Variants in SLC24A2 observed in about 807,000 individuals in gnomAD.
The protein encoded by SLC24A2 is solute carrier family 24 member 2.
Under a neutral mutation model 62.0 loss-of-function variants are expected in SLC24A2, and 36 were observed. The ratio of observed to expected loss-of-function variants is 0.58; its 90% CI spans 0.44 to 0.77. SLC24A2 has a LOEUF of 0.77. SLC24A2 is among the 30% of genes least tolerant of loss of function. The probability of loss-of-function intolerance (pLI) is 0.00; values close to 1 mark genes in which losing one functional copy is unlikely to be tolerated. For missense variants in SLC24A2, 846 were observed against 817.9 expected, an observed-to-expected ratio of 1.03 and a Z score of -0.42; for synonymous variants, 358 against 294.0, an observed-to-expected ratio of 1.22 and a Z score of -2.23.
At chr9:19,912,884 A>T in the SLC24A2 span, among the ~76,000 whole-genome samples, 1 of 152,158 alleles carries the variant, frequency 6.6e-6, no homozygotes, top group African/African-American at 2.4e-5. Flanking sequence ...ATACAGAAAC[A>T]TTATATCCAA....
At chr9:20,080,264 G>T in the SLC24A2 span, among the ~76,000 whole-genome samples, 2 of 152,222 alleles carry the variant, frequency 1.3e-5, no homozygotes, top group African/African-American at 4.8e-5. Context: ...GCATGGTACT[G>T]TTACCAAAAC....
the SLC24A2 span, among the ~76,000 whole-genome samples, chr9:20,062,180 G>A: frequency 1.3e-5 from 2 of 152,180 alleles, no homozygotes; most frequent in African/African-American, 4.8e-5. Context: ...AGTGAGCTAT[G>A]ATTGTGCCAC....
the SLC24A2 span, among the ~76,000 whole-genome samples, chr9:19,964,662 G>C: frequency 1.3e-5 from 2 of 152,130 alleles, no homozygotes; most frequent in African/African-American, 2.4e-5. Flanking sequence ...ATGTTTCTAG[G>C]CTGGGTGGGG....
chr9:20,014,567 C>T, the SLC24A2 span, among the ~76,000 whole-genome samples: 1 of 151,626 alleles, frequency 6.6e-6, no homozygotes, highest in Non-Finnish European at 1.5e-5. Context: ...AGGAAAAACT[C>T]TGTCACTTGC....
chr9:19,568,182 C>G (rs1835732685), intron 7 of SLC24A2, among the ~76,000 whole-genome samples: 1 of 152,198 alleles, frequency 6.6e-6, no homozygotes. Flanking sequence ...GTCCATGAAA[C>G]TGTGCTTCAG....
At chr9:19,518,225 T>C (rs1029930694) in intron 10 of SLC24A2, among the ~76,000 whole-genome samples, 1 of 152,110 alleles carries the variant, frequency 6.6e-6, no homozygotes, top group African/African-American at 2.4e-5. Flanking sequence ...TAATGTTATA[T>C]AGCTGTTTAA....
the SLC24A2 span, among the ~76,000 whole-genome samples, chr9:19,976,500 C>A: frequency 6.6e-6 from 1 of 152,216 alleles, no homozygotes; most frequent in South Asian, 2.1e-4. Flanking sequence ...TCTACTGTGA[C>A]TGTAAATTTC....
At chr9:19,949,952 G>A in the SLC24A2 span, among the ~76,000 whole-genome samples, 1 of 152,172 alleles carries the variant, frequency 6.6e-6, no homozygotes, top group Admixed American at 6.5e-5. Context: ...CGGCACCCGG[G>A]AACTTATTAG....
At chr9:19,718,936 CCTTGACACATTTCA>C (rs1267305504) in intron 2 of SLC24A2, among the ~76,000 whole-genome samples, 2 of 152,074 alleles carry the variant, frequency 1.3e-5, no homozygotes, top group African/African-American at 4.8e-5. Context: ...GACACATTTC[CCTTGACACATTTCA>C]AACTATTTGA....
rs558315170 is a variant in SLC24A2 at position 19,770,580 on chromosome 9, C to T, written c.930+15357G>A. 1.2e-4 allele frequency among the ~76,000 whole-genome samples: 18 copies of T among 152,246 alleles called. No individual in the cohort carries two copies. The South Asian group carries it at 3.7e-3, about 32-fold the overall frequency. ...ATTACCTTACTAACTATCATACTAT[C>T]CTACAAGACAAGAGAAAGGTCATCT... On this transcript the variant is annotated intron_variant, in intron 2 of 10. Coordinates refer to ENST00000341998, the MANE Select transcript of SLC24A2 (RefSeq NM_020344.4).
the SLC24A2 span, among the ~76,000 whole-genome samples, chr9:20,303,185 C>A: frequency 6.6e-6 from 1 of 151,954 alleles, no homozygotes; most frequent in African/African-American, 2.4e-5. Flanking sequence ...TCATGCATCA[C>A]GGGAGTACAG....
At chr9:19,735,257 C>T (rs554547283) in intron 2 of SLC24A2, among the ~76,000 whole-genome samples, 24 of 152,036 alleles carry the variant, frequency 1.6e-4, no homozygotes, top group East Asian at 3.9e-4. Flanking sequence ...CATGAAAAGA[C>T]ACTCATCATC....
the SLC24A2 span, among the ~76,000 whole-genome samples, chr9:20,287,647 G>A: frequency 9.9e-5 from 15 of 152,272 alleles, no homozygotes; most frequent in Non-Finnish European, 1.5e-4. Flanking sequence ...CACAAAATAC[G>A]TGCCTTCGCA....
At chr9:19,838,296 C>G in the SLC24A2 span, among the ~76,000 whole-genome samples, 1 of 152,008 alleles carries the variant, frequency 6.6e-6, no homozygotes, top group Non-Finnish European at 1.5e-5. Flanking sequence ...TTTGACAAAC[C>G]TGACAAAAAC....
intron 8 of SLC24A2, among the ~76,000 whole-genome samples, chr9:19,542,602 A>T (rs1200601440): frequency 6.6e-6 from 1 of 152,198 alleles, no homozygotes; most frequent in African/African-American, 2.4e-5. Context: ...TTATTGAGAT[A>T]CGTTCAATCA....
chr9:19,949,246 G>A, the SLC24A2 span, among the ~76,000 whole-genome samples: 26 of 151,850 alleles, frequency 1.7e-4, no homozygotes, highest in Admixed American at 2.0e-4. Context: ...TGCACGCCTC[G>A]GCCTCCCAAA....
the SLC24A2 span, among the ~76,000 whole-genome samples, chr9:20,168,717 A>G: frequency 6.6e-6 from 1 of 152,034 alleles, no homozygotes; most frequent in Admixed American, 6.6e-5. Flanking sequence ...AGTGCTGGCA[A>G]GAATGTAGAG....
At chr9:19,522,264 C>G (rs1348814281) in intron 9 of SLC24A2, among the ~76,000 whole-genome samples, 1 of 152,110 alleles carries the variant, frequency 6.6e-6, no homozygotes, top group Admixed American at 6.5e-5. Flanking sequence ...TCCCAAAGTT[C>G]TGGGATTACA....
intron 2 of SLC24A2, among the ~76,000 whole-genome samples, chr9:19,641,343 C>T (rs1818487481): frequency 6.6e-6 from 1 of 152,190 alleles, no homozygotes; most frequent in East Asian, 1.9e-4. Context: ...ATATCCAATT[C>T]CAATTGCCAA....
Sources: allele counts gnomAD v4.1 joint callset (sites outside exome capture counted in the v4.1 genomes callset), GRCh38; gene constraint gnomAD v4.1.1; transcripts MANE v1.5; gene names NCBI Gene and HGNC (gene_info 2026-07-23, HGNC 2026-07-21).